The following RBM44 variants were observed in gnomAD, a reference collection of about 807,000 sequenced individuals.
RBM44 encodes RNA-binding protein 44.
In RBM44, 66 loss-of-function variants were observed where a neutral mutation model predicts 105.1. The ratio of observed to expected loss-of-function variants is 0.63; its 90% CI spans 0.52 to 0.77. RBM44 has a LOEUF of 0.77. RBM44 is among the 30% of genes least tolerant of loss of function. The pLI is 0.00. For missense variants in RBM44, 1,122 were observed against 1,207.8 expected, an observed-to-expected ratio of 0.93 and a Z score of 1.05; for synonymous variants, 365 against 417.6, an observed-to-expected ratio of 0.87 and a Z score of 1.54.
intron 13 of RBM44, among the ~76,000 whole-genome samples, chr2:237,829,857 C>A (rs2061886496): frequency 1.3e-5 from 2 of 152,044 alleles, no homozygotes; most frequent in South Asian, 4.2e-4. Context: ...AAAATGTAGT[C>A]ATTGTATTTT....
At chr2:237,819,211 C>T (rs2061756489) in intron 4 of RBM44, among the ~76,000 whole-genome samples, 1 of 152,054 alleles carries the variant, frequency 6.6e-6, no homozygotes, top group African/African-American at 2.4e-5. Flanking sequence ...CAACCCAAAT[C>T]CATACTGATT....
intron 13 of RBM44, among the ~76,000 whole-genome samples, chr2:237,829,715 A>C (rs2061885187): frequency 6.6e-6 from 1 of 152,206 alleles, no homozygotes; most frequent in Non-Finnish European, 1.5e-5. Flanking sequence ...CAAGCTAACG[A>C]AAAACTCGTT....
chr2:237,809,101 A>G (rs1026790402), intron 1 of RBM44, among the ~76,000 whole-genome samples: 3 of 152,164 alleles, frequency 2.0e-5, no homozygotes, highest in East Asian at 3.8e-4. Flanking sequence ...ATCAGCCCCT[A>G]CCAATTTGAT....
chr2:237,838,357 A>C (rs929420402), intron 15 of RBM44, among the ~76,000 whole-genome samples: 4 of 152,220 alleles, frequency 2.6e-5, no homozygotes, highest in Non-Finnish European at 5.9e-5. Flanking sequence ...ATAATTTGTT[A>C]CTTTAGAAGA....
intron 15 of RBM44, among the ~76,000 whole-genome samples, chr2:237,840,240 G>A (rs1263692449): frequency 7.6e-6 from 1 of 131,746 alleles, no homozygotes; most frequent in African/African-American, 2.8e-5. Flanking sequence ...CAATGGAACA[G>A]AATAGAAACC....
chr2:237,821,906 C>G, intron 8 of RBM44, 79 bp downstream of exon 8: 1 of 904,304 alleles, frequency 1.1e-6, no homozygotes, highest in Non-Finnish European at 1.8e-6. Flanking sequence ...TTTCAGAAAC[C>G]CTGACATCCT....
At chr2:237,816,036 C>T (rs2061711340) in intron 2 of RBM44, among the ~76,000 whole-genome samples, 1 of 152,120 alleles carries the variant, frequency 6.6e-6, no homozygotes, top group African/African-American at 2.4e-5. Flanking sequence ...TCCTGTCATA[C>T]TCGTAAGAGT....
At chr2:237,821,466 T>C (rs1377390983) in intron 7 of RBM44, 98 bp downstream of exon 7, 4 of 912,210 alleles carry the variant, frequency 4.4e-6, no homozygotes, top group Non-Finnish European at 6.7e-6. Flanking sequence ...TTTAGAACAT[T>C]GATAAATGTT....
chr2:237,813,400 A>G (rs2061678463), intron 1 of RBM44, among the ~76,000 whole-genome samples, 192 bp from the exon 2 acceptor site: 1 of 152,236 alleles, frequency 6.6e-6, no homozygotes. Flanking sequence ...TAGGTTCGAC[A>G]TAAATAGGGT....
rs530451473 is a variant in RBM44 at position 237,821,650 on chromosome 2, T to C, written c.2121-93T>C. 1.0e-3 allele frequency: 903 copies of C among 886,498 alleles called. 11 individuals carry two copies. The highest frequency in any genetic ancestry group is 5.5e-3 in the South Asian group (346 of 63,382). The allele number at this position is 886,498 out of a possible 1,614,324, so 54.9% of individuals were successfully genotyped here. A position where few individuals can be genotyped will look rare whatever the true frequency, so the allele number is the denominator to read the frequency against. On this transcript the variant is annotated intron_variant, in intron 7 of 15. Transcript: ENST00000316997. ...TAGGAACATTTCAAGTCCTCTCTTT[T>C]AGCTACTTTGAAATATACATTGTAG...
intron 1 of RBM44, among the ~76,000 whole-genome samples, chr2:237,801,398 C>T (rs573578161): frequency 8.0e-4 from 122 of 152,214 alleles, no homozygotes; most frequent in South Asian, 2.9e-3. Flanking sequence ...TATCTTGGCC[C>T]GCTGCAACCT....
chr2:237,827,210 C>A, intron 10 of RBM44, 40 bp from the exon 11 acceptor site: 1 of 1,118,418 alleles, frequency 8.9e-7, no homozygotes, highest in Non-Finnish European at 1.3e-6. Context: ...CATATCAGTA[C>A]AATAAAGATC....
rs762898885 is a variant in RBM44 at position 237,818,300 on chromosome 2, A to G, written c.1381A>G (p.Thr461Ala). The G allele has an allele frequency of 9.9e-6, 16 of 1,613,304 alleles. No individual in the cohort carries two copies. The highest frequency in any genetic ancestry group is 5.3e-5 in the African/African-American group (4 of 74,898). ...ATCATTGACAGATGCAGCAAGTTGT[A>G]CAGTCACAATTAATCAGACAGTGGA... ...TKSLTDAASC[T>A]VTINQTVDVS... Residue 461 changes from threonine to alanine, a missense_variant, in exon 3 of 16, where the codon ACA becomes GCA. Physicochemically the swap from Thr to Ala is moderately conservative, Grantham distance 58. Coordinates refer to ENST00000316997, the MANE Select transcript of RBM44 (RefSeq NM_001080504.3). The surrounding 1 kb of genome is among the most constrained non-coding windows in gnomAD (Gnocchi z 4.6).
chr2:237,824,537 G>A (rs952617376), intron 10 of RBM44, 118 bp downstream of exon 10: 7 of 794,080 alleles, frequency 8.8e-6, no homozygotes, highest in Non-Finnish European at 1.3e-5. Flanking sequence ...TCCTGTTTTG[G>A]CTTTTCTTTA....
At chr2:237,814,737 A>G (rs1400171832) in intron 2 of RBM44, among the ~76,000 whole-genome samples, 2 of 152,166 alleles carry the variant, frequency 1.3e-5, no homozygotes, top group South Asian at 2.1e-4. Context: ...TATGATAAAG[A>G]TGTTGTTTCA....
chr2:237,799,048 A>G, intron 1 of RBM44, 187 bp downstream of exon 1: 1 of 151,980 alleles, frequency 6.6e-6, no homozygotes, highest in Non-Finnish European at 1.5e-5. Context: ...CGGGCGGGGG[A>G]CTGGCGCGTT....
chr2:237,824,423 G>C lies in RBM44; in HGVS notation c.2449+4G>C, dbSNP rs1442317230. 6.2e-7 allele frequency: 1 copy of C among 1,610,750 alleles called. No individual in the cohort carries two copies. Among genetic ancestry groups the C allele is most frequent in the Non-Finnish European group, 8.5e-7 (1 of 1,178,206 alleles). The stretch of plus-strand genomic sequence containing the variant: ...TGGAATTTGGATCTTACAGGAGGTT[G>C]GTTCTCAAGAATTTACCGAGAAATC... On this transcript the variant is annotated splice_donor_region_variant and intron_variant, in intron 10 of 15. Coordinates refer to ENST00000316997, the MANE Select transcript of RBM44 (RefSeq NM_001080504.3).
chr2:237,803,309 A>G lies in RBM44; in HGVS notation c.-19+4448A>G, dbSNP rs2150966046. 6.6e-6 allele frequency among the ~76,000 whole-genome samples: 1 copy of G among 151,628 alleles called. No homozygotes were observed. The highest frequency in any genetic ancestry group is 2.1e-4 in the South Asian group (1 of 4,790). Reference sequence around the variant, plus strand: ...CTCTGGGTGACAGAGCGAGACACACACACACACACATACTCTCTCTCTCAC... The same window carrying G: ...CTCTGGGTGACAGAGCGAGACACACGCACACACACATACTCTCTCTCTCAC... On this transcript the variant is annotated intron_variant, in intron 1 of 15. Transcript: ENST00000316997. The surrounding 1 kb of genome is among the most constrained non-coding windows in gnomAD (Gnocchi z 4.2).
chr2:237,799,691 T>C (rs2061526510), intron 1 of RBM44, among the ~76,000 whole-genome samples: 1 of 152,224 alleles, frequency 6.6e-6, no homozygotes, highest in South Asian at 2.1e-4. Context: ...CGGACCGTTG[T>C]AGGGTTTTAC....
Sources: allele counts gnomAD v4.1 joint callset (sites outside exome capture counted in the v4.1 genomes callset), GRCh38; gene constraint gnomAD v4.1.1; non-coding constraint Gnocchi (gnomAD v3.1); transcripts MANE v1.5; gene names NCBI Gene and HGNC (gene_info 2026-07-23, HGNC 2026-07-21).